NKAIN2: variants seen among roughly 807,000 people sequenced by gnomAD.
NKAIN2 encodes the protein sodium/potassium transporting ATPase interacting 2.
NKAIN2 carries 14 observed loss-of-function variants against 32.6 expected under a neutral mutation model. The observed-to-expected ratio is 0.43, with a 90% CI of 0.28 to 0.67. The LOEUF (loss-of-function observed/expected upper bound fraction) is 0.67. NKAIN2 is among the 30% of genes least tolerant of loss of function. NKAIN2 has a pLI of 0.17. For synonymous variants in NKAIN2, 80 were observed against 87.2 expected, an observed-to-expected ratio of 0.92 and a Z score of 0.46; for missense variants, 198 against 258.3, an observed-to-expected ratio of 0.77 and a Z score of 1.60.
intron 3 of NKAIN2, among the ~76,000 whole-genome samples, chr6:124,462,285 TCA>T (rs1484237070): frequency 2.6e-4 from 40 of 152,054 alleles, no homozygotes; most frequent in South Asian, 2.1e-3. Flanking sequence ...AATAAAATTC[TCA>T]GTCTTTTCAG....
chr6:124,680,263 A>AT (rs1773552804), intron 4 of NKAIN2, among the ~76,000 whole-genome samples: 1 of 152,040 alleles, frequency 6.6e-6, no homozygotes, highest in Non-Finnish European at 1.5e-5. Context: ...TTTACTGCAG[A>AT]CCTCCTTATA....
intron 1 of NKAIN2, among the ~76,000 whole-genome samples, chr6:123,940,647 G>A (rs1776772149): frequency 6.6e-6 from 1 of 151,916 alleles, no homozygotes; most frequent in Non-Finnish European, 1.5e-5. Flanking sequence ...ACACAGAAAA[G>A]CTACAGGTAA....
chr6:123,883,929 C>T (rs2114342023), intron 1 of NKAIN2, among the ~76,000 whole-genome samples: 1 of 147,030 alleles, frequency 6.8e-6, no homozygotes, highest in Middle Eastern at 3.6e-3. Context: ...TACCTAGTCT[C>T]AGGTATTACA....
At chr6:124,795,098 C>T (rs919187712) in intron 5 of NKAIN2, among the ~76,000 whole-genome samples, 5 of 152,144 alleles carry the variant, frequency 3.3e-5, no homozygotes, top group East Asian at 1.9e-4. Context: ...TGCAGTGAAA[C>T]ATAGTGGCAG....
chr6:124,453,568 G>A (rs1418195925), intron 3 of NKAIN2, among the ~76,000 whole-genome samples: 2 of 149,132 alleles, frequency 1.3e-5, no homozygotes, highest in African/African-American at 4.9e-5. Context: ...TTTCCAATAT[G>A]CAGCATTTTA....
At chr6:124,554,639 T>G (rs1301454349) in intron 3 of NKAIN2, among the ~76,000 whole-genome samples, 1 of 152,280 alleles carries the variant, frequency 6.6e-6, no homozygotes, top group Non-Finnish European at 1.5e-5. Context: ...ACTTTCCTTA[T>G]GAGTCTCATC....
At chr6:124,309,382 A>C (rs2114996220) in intron 2 of NKAIN2, among the ~76,000 whole-genome samples, 1 of 152,260 alleles carries the variant, frequency 6.6e-6, no homozygotes, top group Admixed American at 6.5e-5. Context: ...ATAATTTATT[A>C]ACTTGAGTTA....
chr6:124,505,368 A>T (rs890793338), intron 3 of NKAIN2, among the ~76,000 whole-genome samples: 2 of 152,136 alleles, frequency 1.3e-5, no homozygotes, highest in African/African-American at 4.8e-5. Context: ...TCCTCTAACA[A>T]ATTCACTGTA....
intron 4 of NKAIN2, among the ~76,000 whole-genome samples, chr6:124,791,053 G>C (rs886754632): frequency 2.0e-5 from 3 of 152,166 alleles, no homozygotes; most frequent in African/African-American, 7.2e-5. Context: ...ATGGTTATAA[G>C]TCTTTTTCTG....
At chr6:124,277,366 A>G (rs556287400) in intron 1 of NKAIN2, among the ~76,000 whole-genome samples, 1 of 152,076 alleles carries the variant, frequency 6.6e-6, no homozygotes, top group East Asian at 1.9e-4. Flanking sequence ...CTCAACCTAG[A>G]AACTGTTAGG....
intron 1 of NKAIN2, among the ~76,000 whole-genome samples, chr6:123,879,609 C>T (rs1426600446): frequency 6.6e-6 from 1 of 152,176 alleles, no homozygotes; most frequent in Non-Finnish European, 1.5e-5. Context: ...AACTAGGACA[C>T]AAGCACCTCA....
chr6:124,112,463 G>A (rs1198642367), intron 1 of NKAIN2, among the ~76,000 whole-genome samples: 1 of 151,984 alleles, frequency 6.6e-6, no homozygotes. Context: ...GTATGGGACT[G>A]GTCACATTTT....
At chr6:124,384,261 T>A (rs535873583) in intron 3 of NKAIN2, among the ~76,000 whole-genome samples, 3 of 152,166 alleles carry the variant, frequency 2.0e-5, no homozygotes, top group Admixed American at 6.6e-5. Context: ...TCACCCGATA[T>A]ACCATGGGAA....
intron 3 of NKAIN2, among the ~76,000 whole-genome samples, chr6:124,644,763 T>A (rs1784110945): frequency 6.6e-6 from 1 of 152,176 alleles, no homozygotes; most frequent in Non-Finnish European, 1.5e-5. Context: ...GTGTCAAAAG[T>A]CATAATTTTG....
intron 3 of NKAIN2, among the ~76,000 whole-genome samples, chr6:124,623,535 A>T (rs957641791): frequency 7.0e-6 from 1 of 143,200 alleles, no homozygotes; most frequent in Non-Finnish European, 1.6e-5. Context: ...TTGTAATAAC[A>T]AGTACAGTTA....
intron 1 of NKAIN2, among the ~76,000 whole-genome samples, chr6:124,084,634 C>T (rs1471027697): frequency 2.6e-5 from 4 of 151,956 alleles, no homozygotes; most frequent in Admixed American, 2.0e-4. Context: ...TGCTACCTCA[C>T]TTTATCCAGG....
At chr6:124,600,635 T>C (rs9375343) in intron 3 of NKAIN2, among the ~76,000 whole-genome samples, 6,901 of 152,148 alleles carry the variant, frequency 0.045, 232 homozygotes, top group East Asian at 0.18. Context: ...TAAATTTCTC[T>C]AACATATATT....
chr6:124,806,584 C>G (rs1430591139), intron 5 of NKAIN2, among the ~76,000 whole-genome samples: 2 of 151,652 alleles, frequency 1.3e-5, no homozygotes, highest in African/African-American at 2.4e-5. Flanking sequence ...CATCAACTAA[C>G]GAGCAAGATA....
chr6:124,762,659 G>A (rs997899857), intron 4 of NKAIN2, among the ~76,000 whole-genome samples: 5 of 152,148 alleles, frequency 3.3e-5, no homozygotes, highest in African/African-American at 4.8e-5. Flanking sequence ...GACCACAAGA[G>A]GATACAATTT....
Sources: gnomAD v4.1 joint callset for allele counts (sites outside exome capture counted in the v4.1 genomes callset) on GRCh38, gnomAD v4.1.1 for gene constraint, MANE v1.5 for transcripts, NCBI Gene and HGNC (gene_info 2026-07-23, HGNC 2026-07-21) for gene names.